The following FANCB variants were observed in gnomAD, a reference collection of about 807,000 sequenced individuals.
The protein encoded by FANCB is FA complementation group B, also known as Fanconi anemia group B protein.
FANCB carries 5 observed loss-of-function variants against 38.9 expected under a neutral mutation model. That is an observed-to-expected ratio of 0.13 (90% CI 0.07 to 0.27). The LOEUF is 0.27. Among genes scored for constraint, FANCB ranks in the 10% least tolerant of loss-of-function variants. FANCB has a pLI of 1.00. For synonymous variants in FANCB, 236 were observed against 215.4 expected, an observed-to-expected ratio of 1.10 and a Z score of -0.84; for missense variants, 573 against 602.7, an observed-to-expected ratio of 0.95 and a Z score of 0.52.
the FANCB span, among the ~76,000 whole-genome samples, chrX:14,732,367 C>A: frequency 9.8e-5 from 11 of 111,844 alleles, no homozygotes; most frequent in Non-Finnish European, 1.9e-4. Context: ...ATCTTTATAG[C>A]AGAATGATTT....
At chrX:14,824,370 T>C in the FANCB span, among the ~76,000 whole-genome samples, 1 of 111,702 alleles carries the variant, frequency 9.0e-6, no homozygotes, top group East Asian at 2.8e-4. Flanking sequence ...TCTTTTACGG[T>C]TTTTTTTACA....
the FANCB span, among the ~76,000 whole-genome samples, chrX:14,701,589 G>T: frequency 0.5 from 54,445 of 109,572 alleles, 10,225 homozygotes; most frequent in Non-Finnish European, 0.56. Flanking sequence ...GGTAGAGAAA[G>T]GGGGATACTG....
chrX:14,801,543 G>A, the FANCB span, among the ~76,000 whole-genome samples: 1 of 112,134 alleles, frequency 8.9e-6, no homozygotes, highest in Non-Finnish European at 1.9e-5. Flanking sequence ...AAATAGAATA[G>A]GATAGATTAA....
rs1406401370 is a variant in FANCB, at chrX:14,871,638, G to GTATATATATATATA, written c.-192+1347_-192+1348insTATATATATATATA. 2.2e-3 allele frequency among the ~76,000 whole-genome samples: 236 copies of GTATATATATATATA among 109,477 alleles called. 1 individual carries two copies. Among genetic ancestry groups the GTATATATATATATA allele is most frequent in the African/African-American group, 6.9e-3 (208 of 30,129 alleles). ...TATCTATATATGTGTGTGTGTGTGT[G>GTATATATATATATA]TGTATATATATATATAATCATGGTT... is the stretch of plus-strand genomic sequence containing the variant. On this transcript the variant is annotated intron_variant, in intron 1 of 9. Coordinates refer to ENST00000650831, the MANE Select transcript of FANCB (RefSeq NM_001018113.3).
At chrX:14,792,386 C>G in the FANCB span, among the ~76,000 whole-genome samples, 1 of 110,885 alleles carries the variant, frequency 9.0e-6, no homozygotes, top group African/African-American at 3.3e-5. Context: ...TTTCCCTCCC[C>G]ACCTGGCTGA....
chrX:14,777,947 G>A, the FANCB span, among the ~76,000 whole-genome samples: 1 of 111,966 alleles, frequency 8.9e-6, no homozygotes, highest in Admixed American at 9.5e-5. Context: ...AGACCTACAT[G>A]TTGCTTGCAG....
intron 3 of FANCB, chrX:14,862,374 G>A (rs1408790019): frequency 9.0e-6 from 1 of 111,089 alleles, no homozygotes; most frequent in Non-Finnish European, 1.9e-5. Context: ...AGTAACGTGT[G>A]GAAAAGATAG....
intron 5 of FANCB, among the ~76,000 whole-genome samples, chrX:14,855,350 G>A (rs894660268): frequency 1.8e-5 from 2 of 111,959 alleles, no homozygotes; most frequent in African/African-American, 6.5e-5. Context: ...TCTCTAAAAG[G>A]CCTTCCAGCA....
At chrX:14,696,242 CG>C in the FANCB span, among the ~76,000 whole-genome samples, 1 of 103,903 alleles carries the variant, frequency 9.6e-6, no homozygotes, top group Non-Finnish European at 2.0e-5. Context: ...GAGGGAGGGA[CG>C]GAAGTGAAGT....
At chrX:14,791,623 G>A in the FANCB span, among the ~76,000 whole-genome samples, 1 of 112,138 alleles carries the variant, frequency 8.9e-6, no homozygotes, top group Non-Finnish European at 1.9e-5. Context: ...GGCAAGGGAG[G>A]TGACACTGAC....
At chrX:14,784,751 CAT>C in the FANCB span, among the ~76,000 whole-genome samples, 4 of 111,971 alleles carry the variant, frequency 3.6e-5, no homozygotes, top group African/African-American at 1.3e-4. Context: ...ATAGCAAAGA[CAT>C]AGAAGCAACC....
chrX:14,709,284 C>T, the FANCB span, among the ~76,000 whole-genome samples: 3 of 111,631 alleles, frequency 2.7e-5, no homozygotes, highest in East Asian at 2.8e-4. Flanking sequence ...GTGCCAAATA[C>T]TGTGTTACAT....
the FANCB span, among the ~76,000 whole-genome samples, chrX:14,814,147 T>C: frequency 3.6e-5 from 4 of 111,636 alleles, no homozygotes; most frequent in East Asian, 1.1e-3. Context: ...ACTGGATCCC[T>C]TCCTTACACC....
At chrX:14,858,084 C>A in intron 4 of FANCB, 130 bp from the exon 5 acceptor site, 1 of 473,106 alleles carries the variant, frequency 2.1e-6, no homozygotes, top group South Asian at 3.3e-5. Flanking sequence ...ATAAAATACA[C>A]ACTATTTTAT....
chrX:14,853,729 T>G (rs898539436), intron 5 of FANCB, among the ~76,000 whole-genome samples: 2 of 111,584 alleles, frequency 1.8e-5, no homozygotes, highest in Admixed American at 1.9e-4. Context: ...AGTGCTAGAG[T>G]CTACTGAAAA....
At chrX:14,872,711 C>T (rs1432873855) in intron 1 of FANCB, among the ~76,000 whole-genome samples, 1 of 100,193 alleles carries the variant, frequency 1.0e-5, no homozygotes, top group Non-Finnish European at 2.0e-5. Context: ...CTTTTTTTAA[C>T]TTTATATAAT....
chrX:14,716,094 C>T, the FANCB span, among the ~76,000 whole-genome samples: 10 of 111,115 alleles, frequency 9.0e-5, no homozygotes, highest in Admixed American at 5.8e-4. Context: ...CAGAAGGTCT[C>T]AGGGCCGGGG....
At chrX:14,752,980 GACACACACACAC>G in the FANCB span, among the ~76,000 whole-genome samples, 76 of 68,483 alleles carry the variant, frequency 1.1e-3, no homozygotes, top group South Asian at 3.7e-3. Flanking sequence ...CTCTCTCTCT[GACACACACACAC>G]ACACACACAC....
At chrX:14,706,713 G>A in the FANCB span, among the ~76,000 whole-genome samples, 1 of 111,770 alleles carries the variant, frequency 8.9e-6, no homozygotes, top group East Asian at 2.8e-4. Context: ...ACACAAGGAG[G>A]AAATGATCTG....
Sources: gnomAD v4.1 joint callset for allele counts (sites outside exome capture counted in the v4.1 genomes callset) on GRCh38, gnomAD v4.1.1 for gene constraint, MANE v1.5 for transcripts, NCBI Gene and HGNC (gene_info 2026-07-23, HGNC 2026-07-21) for gene names.